PLCD4: variants seen among roughly 807,000 people sequenced by gnomAD.
The protein encoded by PLCD4 is phospholipase C delta 4, also known as 1-phosphatidylinositol 4,5-bisphosphate phosphodiesterase delta-4.
In PLCD4, 63 loss-of-function variants were observed where a neutral mutation model predicts 90.2. The observed-to-expected ratio is 0.70, with a 90% CI of 0.57 to 0.86. The LOEUF is 0.86. PLCD4 is among the 40% of genes least tolerant of loss of function. The pLI is 0.00. For missense variants in PLCD4, 830 were observed against 956.3 expected, an observed-to-expected ratio of 0.87 and a Z score of 1.74; for synonymous variants, 294 against 356.5, an observed-to-expected ratio of 0.82 and a Z score of 1.97.
chr2:218,618,005 T>C (rs1399416998), intron 3 of PLCD4, among the ~76,000 whole-genome samples: 1 of 152,046 alleles, frequency 6.6e-6, no homozygotes, highest in African/African-American at 2.4e-5. Context: ...GAGAATGGCG[T>C]GAACCTGGGA....
rs983810902 is a variant in PLCD4, at chr2:218,629,448, G to A, written c.975-71G>A. ...TGGTGAGCACTGTTCTCTCCAGAGT[G>A]GGGAGAGTCCCTAGGTAGAAGATCA... On this transcript the variant is annotated intron_variant, in intron 7 of 15. Transcript: ENST00000450993. 4 of 1,557,780 alleles carry A rather than the reference G, an allele frequency of 2.6e-6. No homozygotes were observed. In the African/African-American group the frequency reaches 4.1e-5, roughly 16 times the overall value.
At position 218,637,049 on chromosome 2, in the gene PLCD4, G is replaced by A. The variant is rs1244659185; in HGVS notation, c.*472G>A. 2.5e-6 allele frequency: 1 copy of A among 395,356 alleles called. No individual in the cohort carries two copies. The highest frequency in any genetic ancestry group is 7.1e-5 in the East Asian group (1 of 14,158). The allele number at this position is 395,356 out of a possible 1,614,324, so 24.5% of individuals were successfully genotyped here. On this transcript the variant is annotated 3_prime_UTR_variant, in exon 16 of 16. Transcript: ENST00000450993. ...CAAGGCTCAAGGCTTCCCCAGCAAA[G>A]ATTAGGGAAAGAGACTTGACCCCAG... is the stretch of plus-strand genomic sequence containing the variant.
In PLCD4 at chr2:218,634,561, TGATATCCA is replaced by T; in HGVS notation, c.1830_1837del (p.Asp610GlufsTer6). 4 of 1,614,078 alleles carry T rather than the reference TGATATCCA, an allele frequency of 2.5e-6. No homozygotes were observed. The highest frequency in any genetic ancestry group is 3.4e-6 in the Non-Finnish European group (4 of 1,179,908). On this transcript the variant is annotated frameshift_variant, in exon 13 of 16. Transcript: ENST00000450993. LOFTEE classifies it high-confidence loss of function. The surrounding 1 kb of genome is among the most constrained non-coding windows in gnomAD (Gnocchi z 4.0). ...ATGTGCTGAAGCCAGACTTCCTGCG[TGATATCCA>T]GAGTTCTTTCCACCCTGAGAAGCCC...
intron 3 of PLCD4, among the ~76,000 whole-genome samples, chr2:218,616,898 T>TTATTTATATATA (rs1553571889): frequency 1.6e-4 from 1 of 6,254 alleles, no homozygotes; most frequent in African/African-American, 3.3e-4. Flanking sequence ...AGCCATTATT[T>TTATTTATATATA]TATATATATA....
chr2:218,616,419 G>A (rs1027294902), intron 3 of PLCD4, among the ~76,000 whole-genome samples: 1 of 152,090 alleles, frequency 6.6e-6, no homozygotes, highest in African/African-American at 2.4e-5. Flanking sequence ...AAATCAAGTA[G>A]TTAAGCTATG....
intron 6 of PLCD4, 109 bp downstream of exon 6, chr2:218,622,987 C>T: frequency 1.1e-6 from 1 of 947,380 alleles, no homozygotes; most frequent in Non-Finnish European, 1.6e-6. Context: ...TTGAGTCTAT[C>T]CCTATCCTGA....
intron 5 of PLCD4, among the ~76,000 whole-genome samples, chr2:218,621,908 G>A (rs867382081): frequency 3.3e-5 from 5 of 151,812 alleles, no homozygotes; most frequent in East Asian, 1.9e-4. Flanking sequence ...TGAAACCCCC[G>A]TCTCTACTAA....
At position 218,618,659 on chromosome 2, in the gene PLCD4, G is replaced by A. The variant is rs1695734284; in HGVS notation, c.262G>A (p.Glu88Lys). The A allele has an allele frequency of 6.2e-7, 1 of 1,613,970 alleles. No homozygotes were observed. The highest frequency in any genetic ancestry group is 1.7e-5 in the Admixed American group (1 of 60,014). The change falls in exon 4 of 16, where the codon GAG (glutamate) becomes AAG (lysine). Residue 88 changes from glutamate to lysine, a missense_variant. Transcript: ENST00000450993. ...LRSLAEELPL[E>K]QGFTIVFHGR... Reference sequence around the variant, plus strand: ...TAGCCTGGCAGAGGAGCTCCCCCTGGAGCAGGGCTTCACCATTGTCTTCCA... The same window carrying A: ...TAGCCTGGCAGAGGAGCTCCCCCTGAAGCAGGGCTTCACCATTGTCTTCCA...
chr2:218,631,462 C>T (rs1696361391), intron 9 of PLCD4, among the ~76,000 whole-genome samples: 1 of 152,080 alleles, frequency 6.6e-6, no homozygotes, highest in Non-Finnish European at 1.5e-5. Context: ...CTGCGCCTGG[C>T]CCTGAGTTTT....
At chr2:218,633,802 G>C (rs772846089) in intron 11 of PLCD4, 41 bp downstream of exon 11, 13 of 1,606,752 alleles carry the variant, frequency 8.1e-6, no homozygotes, top group Non-Finnish European at 1.1e-5. Context: ...AAGTGGGATG[G>C]ATAGGTTCAG....
chr2:218,636,322 G>A lies in PLCD4; in HGVS notation c.2112G>A (p.Met704Ile), dbSNP rs1696745269. 2 of 1,614,034 alleles carry A rather than the reference G, an allele frequency of 1.2e-6. No individual in the cohort carries two copies. Among genetic ancestry groups the A allele is most frequent in the South Asian group, 1.1e-5 (1 of 91,084 alleles). ...TTGCCATGCTGCGTTTTGTGGTAAT[G>A]GATTATGACTGGAAATCCCGAAATG... ...PELAMLRFVVMDYDWKSRNDF... is the reference protein window; with the variant it reads ...PELAMLRFVVIDYDWKSRNDF... Residue 704 changes from methionine (M) to isoleucine (I), a missense_variant, in exon 15 of 16, where the codon ATG becomes ATA. By Grantham distance (10) the Met-to-Ile change is conservative. Transcript: ENST00000450993.
At chr2:218,621,730 G>C in intron 5 of PLCD4, 131 bp downstream of exon 5, 1 of 1,175,482 alleles carries the variant, frequency 8.5e-7, no homozygotes, top group Non-Finnish European at 1.2e-6. Flanking sequence ...TAGGCTCAAT[G>C]CCCTAGGCTC....
At chr2:218,630,886 G>T in intron 9 of PLCD4, 84 bp downstream of exon 9, 1 of 1,405,396 alleles carries the variant, frequency 7.1e-7, no homozygotes, top group Non-Finnish European at 9.5e-7. Context: ...GCCCCTCTTT[G>T]TTCCCTTCTT....
chr2:218,634,012 G>A lies in PLCD4; in HGVS notation c.1607-93G>A. On this transcript the variant is annotated intron_variant, in intron 11 of 15. Coordinates refer to ENST00000450993, the MANE Select transcript of PLCD4 (RefSeq NM_032726.4). This position sits in a 1 kb window ranked among gnomAD's most constrained non-coding sequence, Gnocchi z 4.0. ...CTTTCTGGAGCCAGCTTCAGATGCT[G>A]GAGAGAAGGGTGAAGAGTAGGCATG... 1 of 1,488,624 alleles carries A rather than the reference G, an allele frequency of 6.7e-7. No individual in the cohort carries two copies. Among genetic ancestry groups the A allele is most frequent in the Non-Finnish European group, 9.1e-7 (1 of 1,101,938 alleles). The allele number at this position is 1,488,624 out of a possible 1,614,324, so 92.2% of individuals were successfully genotyped here.
intron 13 of PLCD4, among the ~76,000 whole-genome samples, chr2:218,635,294 T>C (rs543538815): frequency 3.3e-5 from 5 of 152,034 alleles, no homozygotes; most frequent in Non-Finnish European, 7.4e-5. Context: ...GCTGCTGTCA[T>C]TAGCATGCCT....
intron 2 of PLCD4, 62 bp downstream of exon 2, chr2:218,615,823 G>A (rs1398776051): frequency 7.5e-6 from 12 of 1,602,444 alleles, no homozygotes; most frequent in Non-Finnish European, 2.6e-6. Flanking sequence ...AAGGGAAGGA[G>A]GTTGGACCCC....
chr2:218,613,392 C>CAA (rs36096465), intron 1 of PLCD4, among the ~76,000 whole-genome samples: 1 of 76,748 alleles, frequency 1.3e-5, no homozygotes, highest in African/African-American at 5.3e-5. Flanking sequence ...AGTCTGTCTC[C>CAA]AAAAAAAAAA....
chr2:218,631,566 G>C (rs905844867), intron 9 of PLCD4, among the ~76,000 whole-genome samples: 1 of 152,148 alleles, frequency 6.6e-6, no homozygotes, highest in Non-Finnish European at 1.5e-5. Flanking sequence ...GGAGGCTGAG[G>C]CAGGTGGATC....
At chr2:218,633,819 T>C (rs553015969) in intron 11 of PLCD4, 58 bp downstream of exon 11, 1 of 1,583,886 alleles carries the variant, frequency 6.3e-7, no homozygotes, top group Non-Finnish European at 8.6e-7. Context: ...TCAGGCCTGA[T>C]GGACTGGCAG....
Sources: gnomAD v4.1 joint callset for allele counts (sites outside exome capture counted in the v4.1 genomes callset) on GRCh38, gnomAD v4.1.1 for gene constraint, Gnocchi (gnomAD v3.1) non-coding constraint, MANE v1.5 for transcripts, NCBI Gene and HGNC (gene_info 2026-07-23, HGNC 2026-07-21) for gene names.